ARHGEF11: variants seen among roughly 807,000 people sequenced by gnomAD.
ARHGEF11 encodes Rho guanine nucleotide exchange factor 11.
A neutral mutation model predicts 193.7 loss-of-function variants in ARHGEF11; 55 were observed. That is an observed-to-expected ratio of 0.28 (90% CI 0.23 to 0.36). The LOEUF (loss-of-function observed/expected upper bound fraction) is 0.36. Among genes scored for constraint, ARHGEF11 ranks in the 10% least tolerant of loss-of-function variants. The pLI is 1.00. For missense variants in ARHGEF11, 1,723 were observed against 2,005.6 expected (o/e 0.86, Z 2.69); for synonymous variants, 693 against 768.0 (o/e 0.90, Z 1.62).
chr1:156,947,496 CG>C, intron 25 of ARHGEF11, 46 bp from the exon 26 acceptor site: 1 of 1,527,844 alleles, frequency 6.5e-7, no homozygotes, highest in East Asian at 2.3e-5. Context: ...AGGGAGAAAA[CG>C]GATCAGCAAG....
rs1657610474 is a variant in ARHGEF11, at chr1:156,943,997, C to A, written c.3173G>T (p.Ser1058Ile). 1.9e-6 allele frequency: 3 copies of A among 1,614,080 alleles called. No homozygotes were observed. Among genetic ancestry groups the A allele is most frequent in the Non-Finnish European group, 2.5e-6 (3 of 1,180,028 alleles). Residue 1058 changes from serine to isoleucine, a missense_variant, in exon 32 of 41, where the codon AGC (serine) becomes ATC (isoleucine). Coordinates refer to ENST00000368194, the MANE Select transcript of ARHGEF11 (RefSeq NM_198236.3). ...HSKTAVGSSD[S>I]KQTFSPVLKL... is the part of the protein sequence containing the mutation. ...GAGCACGGGGCTGAAGGTCTGCTTG[C>A]TGTCTGAGGAGCCCACAGCAGTCTT...
chr1:156,958,615 C>A, intron 17 of ARHGEF11, 127 bp downstream of exon 17: 1 of 1,382,328 alleles, frequency 7.2e-7, no homozygotes, highest in Non-Finnish European at 1.0e-6. Context: ...GCAGGACTCC[C>A]CATCTTTCAG....
intron 1 of ARHGEF11, among the ~76,000 whole-genome samples, chr1:157,014,115 T>G (rs1336150517): frequency 6.6e-6 from 1 of 152,190 alleles, no homozygotes; most frequent in African/African-American, 2.4e-5. Flanking sequence ...TTCCATGACC[T>G]TTTCCACCAC....
intron 15 of ARHGEF11, among the ~76,000 whole-genome samples, chr1:156,960,145 C>T (rs755091010): frequency 2.0e-5 from 3 of 152,082 alleles, no homozygotes; most frequent in Non-Finnish European, 4.4e-5. Flanking sequence ...GGCTGGCAGA[C>T]ATGAACCCAG....
At chr1:157,023,495 GTGGCTCACGCC>G (rs536706554) in intron 1 of ARHGEF11, among the ~76,000 whole-genome samples, 34 of 152,346 alleles carry the variant, frequency 2.2e-4, no homozygotes, top group African/African-American at 7.5e-4. Flanking sequence ...GCCAGGCACG[GTGGCTCACGCC>G]TGTAATCTCA....
At chr1:156,978,617 C>G (rs974147493) in intron 5 of ARHGEF11, among the ~76,000 whole-genome samples, 6 of 152,328 alleles carry the variant, frequency 3.9e-5, no homozygotes, top group Admixed American at 2.0e-4. Context: ...TCATAAATAT[C>G]TGGGAACACG....
At chr1:156,958,912 A>T in intron 16 of ARHGEF11, 48 bp from the exon 17 acceptor site, 6 of 1,612,748 alleles carry the variant, frequency 3.7e-6, no homozygotes, top group Non-Finnish European at 4.2e-6. Flanking sequence ...ACAAATACTC[A>T]ACAGATGGAC....
intron 1 of ARHGEF11, among the ~76,000 whole-genome samples, chr1:157,038,214 C>A (rs886380734): frequency 1.3e-5 from 2 of 151,962 alleles, no homozygotes; most frequent in African/African-American, 4.8e-5. Context: ...TGATTTGAGG[C>A]CAGGCTGTGA....
intron 4 of ARHGEF11, among the ~76,000 whole-genome samples, chr1:156,980,085 T>C (rs1663902991): frequency 6.6e-6 from 1 of 152,360 alleles, no homozygotes; most frequent in Non-Finnish European, 1.5e-5. Context: ...GTTGGCATTA[T>C]ATGGAGGAAA....
chr1:156,944,964 C>T, intron 30 of ARHGEF11, 55 bp downstream of exon 30: 1 of 1,586,878 alleles, frequency 6.3e-7, no homozygotes, highest in South Asian at 1.1e-5. Context: ...GTGTTCTGCT[C>T]CTAAGGGTAC....
intron 1 of ARHGEF11, among the ~76,000 whole-genome samples, chr1:156,991,969 G>A (rs1414054587): frequency 1.3e-5 from 2 of 151,856 alleles, no homozygotes; most frequent in Non-Finnish European, 2.9e-5. Context: ...GCCCGCCTCG[G>A]CCTCCCAAAG....
chr1:157,012,241 T>C (rs1359113696), intron 1 of ARHGEF11, among the ~76,000 whole-genome samples: 2 of 152,194 alleles, frequency 1.3e-5, no homozygotes, highest in East Asian at 1.9e-4. Context: ...AAAGACTTCA[T>C]GTTATATGAA....
intron 1 of ARHGEF11, among the ~76,000 whole-genome samples, chr1:157,013,046 G>C (rs1178588288): frequency 6.6e-6 from 1 of 152,068 alleles, no homozygotes; most frequent in Non-Finnish European, 1.5e-5. Flanking sequence ...TGTGGAAGAG[G>C]AGGTATATGA....
chr1:157,013,909 G>A (rs1365487362), intron 1 of ARHGEF11, among the ~76,000 whole-genome samples: 1 of 152,066 alleles, frequency 6.6e-6, no homozygotes, highest in Non-Finnish European at 1.5e-5. Context: ...TGATTCCTTT[G>A]TATCCCCAGT....
upstream of ARHGEF11, among the ~76,000 whole-genome samples, chr1:157,045,839 C>T (rs1673266412): frequency 6.6e-6 from 1 of 151,132 alleles, no homozygotes; most frequent in Non-Finnish European, 1.5e-5. Context: ...CCCCTTCCCT[C>T]CCTCCTTCCC....
At chr1:157,001,401 C>T (rs1159748529) in intron 1 of ARHGEF11, among the ~76,000 whole-genome samples, 1 of 152,216 alleles carries the variant, frequency 6.6e-6, no homozygotes, top group African/African-American at 2.4e-5. Context: ...CAGATCCCTG[C>T]AGCTCTCGCC....
chr1:157,031,255 T>A (rs1031420223), intron 1 of ARHGEF11, among the ~76,000 whole-genome samples: 1 of 152,060 alleles, frequency 6.6e-6, no homozygotes, highest in Non-Finnish European at 1.5e-5. Context: ...GGAAGGAGGA[T>A]CTTAACAAGG....
At chr1:157,018,307 C>G (rs963855768) in intron 1 of ARHGEF11, among the ~76,000 whole-genome samples, 3 of 152,100 alleles carry the variant, frequency 2.0e-5, no homozygotes, top group Non-Finnish European at 4.4e-5. Flanking sequence ...TCAGAAGGCA[C>G]TTTTACAGAA....
intron 1 of ARHGEF11, 68 bp from the exon 2 acceptor site, chr1:156,986,241 G>T (rs891103419): frequency 1.5e-6 from 2 of 1,376,508 alleles, no homozygotes; most frequent in African/African-American, 2.9e-5. Context: ...AGTAGATGGA[G>T]GCTCTGTCAA....
Sources: gnomAD v4.1 joint callset for allele counts (sites outside exome capture counted in the v4.1 genomes callset) on GRCh38, gnomAD v4.1.1 for gene constraint, MANE v1.5 for transcripts, NCBI Gene and HGNC (gene_info 2026-07-23, HGNC 2026-07-21) for gene names.